CFAP20DC: variants seen among roughly 807,000 people sequenced by gnomAD.
CFAP20DC encodes protein CFAP20DC.
CFAP20DC carries 84 observed loss-of-function variants against 101.7 expected under a neutral mutation model. The ratio of observed to expected loss-of-function variants is 0.83; its 90% CI spans 0.69 to 0.99. The LOEUF (loss-of-function observed/expected upper bound fraction) is 0.99. CFAP20DC is among the 50% of genes least tolerant of loss of function. CFAP20DC has a pLI of 0.00. For synonymous variants in CFAP20DC, 359 were observed against 351.2 expected (o/e 1.02, Z -0.25); for missense variants, 1,007 against 970.3 (o/e 1.04, Z -0.50).
At chr3:58,777,716 AAGT>A (rs970884508) in intron 15 of CFAP20DC, among the ~76,000 whole-genome samples, 16 of 152,032 alleles carry the variant, frequency 1.1e-4, no homozygotes, top group Non-Finnish European at 2.1e-4. Flanking sequence ...TGTGGGGAAA[AAGT>A]AAGTGGGAGG....
At chr3:58,759,070 G>C (rs931307061) in intron 15 of CFAP20DC, among the ~76,000 whole-genome samples, 1 of 152,156 alleles carries the variant, frequency 6.6e-6, no homozygotes, top group Non-Finnish European at 1.5e-5. Flanking sequence ...GGATGGTTGG[G>C]TCAAATGGTA....
chr3:58,933,845 C>A (rs543934133), intron 5 of CFAP20DC, among the ~76,000 whole-genome samples: 3 of 151,808 alleles, frequency 2.0e-5, no homozygotes, highest in Non-Finnish European at 4.4e-5. Flanking sequence ...GACACCCTAA[C>A]ATCACAATTA....
intron 13 of CFAP20DC, among the ~76,000 whole-genome samples, chr3:58,835,455 C>T (rs762058445): frequency 6.6e-6 from 1 of 152,110 alleles, no homozygotes; most frequent in Non-Finnish European, 1.5e-5. Context: ...TATGTGGCTG[C>T]GATATTCCCT....
chr3:58,895,259 G>A (rs901926549), intron 6 of CFAP20DC, among the ~76,000 whole-genome samples: 1 of 152,194 alleles, frequency 6.6e-6, no homozygotes, highest in South Asian at 2.1e-4. Flanking sequence ...TTGTCAGGCT[G>A]CAACTTTTCA....
intron 14 of CFAP20DC, among the ~76,000 whole-genome samples, chr3:58,811,816 G>A (rs1009228060): frequency 1.3e-5 from 2 of 151,730 alleles, no homozygotes; most frequent in African/African-American, 4.8e-5. Flanking sequence ...TCTGACAAAG[G>A]GCTAATATCC....
At chr3:59,019,069 A>G (rs903313387) in intron 4 of CFAP20DC, 3 of 152,150 alleles carry the variant, frequency 2.0e-5, no homozygotes, top group Non-Finnish European at 4.4e-5. Flanking sequence ...TAAGTTTGAA[A>G]TTACTTCAAA....
chr3:59,024,137 T>C (rs557131263), intron 4 of CFAP20DC, among the ~76,000 whole-genome samples: 1 of 151,088 alleles, frequency 6.6e-6, no homozygotes, highest in African/African-American at 2.4e-5. Context: ...ACCCATATCT[T>C]CATTCTGTCT....
At position 58,937,658 on chromosome 3, in the gene CFAP20DC, T is replaced by C; in HGVS notation, c.383A>G (p.Lys128Arg). The change falls in exon 5 of 17, where the codon AAA (lysine) becomes AGA (arginine). Residue 128 changes from lysine to arginine, a missense_variant. Transcript: ENST00000482387. ...TCATGTGATACTTACAATTTTACGT[T>C]TGATCATGAAGAGTGGAATTTTTGC... ...LHAKIPLFMIKRKIWCNLCID... is the reference protein window; with the variant it reads ...LHAKIPLFMIRRKIWCNLCID... 2 of 1,592,780 alleles carry C rather than the reference T, an allele frequency of 1.3e-6. No individual in the cohort carries two copies. Among genetic ancestry groups the C allele is most frequent in the Non-Finnish European group, 1.7e-6 (2 of 1,160,766 alleles).
At chr3:58,840,768 G>A (rs1280264935) in intron 13 of CFAP20DC, among the ~76,000 whole-genome samples, 4 of 152,158 alleles carry the variant, frequency 2.6e-5, no homozygotes, top group Non-Finnish European at 5.9e-5. Context: ...TCAGATTAGG[G>A]GCTAGGTGTT....
At chr3:58,834,170 C>T (rs902782422) in intron 13 of CFAP20DC, among the ~76,000 whole-genome samples, 1 of 152,106 alleles carries the variant, frequency 6.6e-6, no homozygotes, top group Non-Finnish European at 1.5e-5. Flanking sequence ...GAATTCCTTA[C>T]TTTAAAAGAG....
At chr3:58,846,396 A>G (rs1331051313) in intron 13 of CFAP20DC, among the ~76,000 whole-genome samples, 19 of 152,016 alleles carry the variant, frequency 1.2e-4, no homozygotes, top group African/African-American at 4.6e-4. Context: ...CCAAATCATG[A>G]GTGAACTCCC....
At chr3:58,818,835 T>C (rs1341830286) in intron 14 of CFAP20DC, among the ~76,000 whole-genome samples, 2 of 127,980 alleles carry the variant, frequency 1.6e-5, no homozygotes, top group Non-Finnish European at 1.6e-5. Flanking sequence ...CAACAGAATA[T>C]ACATTTTTTT....
intron 14 of CFAP20DC, among the ~76,000 whole-genome samples, chr3:58,819,465 C>T (rs1341057467): frequency 6.7e-6 from 1 of 149,416 alleles, no homozygotes; most frequent in Non-Finnish European, 1.5e-5. Context: ...GGGATATCAC[C>T]ACCGATCCCA....
At chr3:58,743,471 A>G (rs971898065) in intron 16 of CFAP20DC, among the ~76,000 whole-genome samples, 2 of 152,138 alleles carry the variant, frequency 1.3e-5, no homozygotes, top group African/African-American at 4.8e-5. Flanking sequence ...GAAAGAGGTA[A>G]TAAGAAAACA....
At chr3:58,832,309 C>A (rs553040585) in intron 13 of CFAP20DC, among the ~76,000 whole-genome samples, 8 of 152,148 alleles carry the variant, frequency 5.3e-5, no homozygotes, top group African/African-American at 2.4e-5. Context: ...CACAGTTGCA[C>A]TGATGGAATT....
Position 58,869,464 on chromosome 3 carries a change from A to G in CFAP20DC, c.879T>C (p.Asn293=), listed in dbSNP as rs919468944. ...CAGTGGACGGCTGGCATGATCGGTT[A>G]TTTTTGGACCCAACGGATCTCACTG... is the stretch of plus-strand genomic sequence containing the variant. ...SETVRSVGSK[N]NRSCQPSTVE... is the part of the protein sequence containing the mutation. The change falls in exon 9 of 17, where the codon AAT becomes AAC. Residue 293 remains asparagine (N), a synonymous_variant. Coordinates refer to ENST00000482387, the MANE Select transcript of CFAP20DC (RefSeq NM_001394063.1). The surrounding 1 kb of genome is among the most constrained non-coding windows in gnomAD (Gnocchi z 4.3). 9 of 1,612,294 alleles carry G rather than the reference A, an allele frequency of 5.6e-6. No homozygotes were observed. The highest frequency in any genetic ancestry group is 1.3e-5 in the African/African-American group (1 of 74,866).
In CFAP20DC at chr3:58,937,781, G is replaced by A. The variant is rs2087918082; in HGVS notation, c.279-19C>T. 7.4e-7 allele frequency: 1 copy of A among 1,342,320 alleles called. No individual in the cohort carries two copies. The highest frequency in any genetic ancestry group is 2.3e-5 in the East Asian group (1 of 43,538). 83.2% of individuals were successfully genotyped at this position (1,342,320 alleles called of 1,614,324 possible). ...AGTAATTCTGAAAACATGGAGGAGA[G>A]AAGACAGAAAGATTCCCATCAATTT... On this transcript the variant is annotated intron_variant, in intron 4 of 16. Transcript: ENST00000482387.
chr3:58,913,935 T>C lies in CFAP20DC; in HGVS notation c.394-71A>G, dbSNP rs1397989794. ...CATAAATGAACAAACCATCTATATG[T>C]AGACATTCAAAGAGTTGAGGCAGTT... On this transcript the variant is annotated intron_variant, in intron 5 of 16. Coordinates refer to ENST00000482387, the MANE Select transcript of CFAP20DC (RefSeq NM_001394063.1). The surrounding 1 kb of genome is among the most constrained non-coding windows in gnomAD (Gnocchi z 4.4). The C allele has an allele frequency of 5.3e-6, 8 of 1,516,262 alleles. No individual in the cohort carries two copies. Among genetic ancestry groups the C allele is most frequent in the South Asian group, 3.5e-5 (3 of 86,736 alleles). 93.9% of individuals were successfully genotyped at this position (1,516,262 alleles called of 1,614,324 possible).
At chr3:58,934,018 C>A (rs1370868035) in intron 5 of CFAP20DC, among the ~76,000 whole-genome samples, 2 of 152,002 alleles carry the variant, frequency 1.3e-5, no homozygotes, top group African/African-American at 4.8e-5. Flanking sequence ...AATTGATAGA[C>A]CACTAGCAAG....
Sources: gnomAD v4.1 joint callset for allele counts (sites outside exome capture counted in the v4.1 genomes callset) on GRCh38, gnomAD v4.1.1 for gene constraint, Gnocchi (gnomAD v3.1) non-coding constraint, MANE v1.5 for transcripts, NCBI Gene and HGNC (gene_info 2026-07-23, HGNC 2026-07-21) for gene names.